FGF13: variants seen among roughly 807,000 people sequenced by gnomAD.
The protein encoded by FGF13 is fibroblast growth factor 13.
A neutral mutation model predicts 19.5 loss-of-function variants in FGF13; 2 were observed. The ratio of observed to expected loss-of-function variants is 0.10; its 90% CI spans 0.04 to 0.32. FGF13 has a LOEUF of 0.32. FGF13 is among the 10% of genes least tolerant of loss of function. The probability of loss-of-function intolerance (pLI) is 1.00; values close to 1 mark genes in which losing one functional copy is unlikely to be tolerated. For missense variants in FGF13, 113 were observed against 192.7 expected (o/e 0.59, Z 2.45); for synonymous variants, 72 against 76.9 (o/e 0.94, Z 0.33).
rs148838944 is a variant in FGF13, at chrX:139,007,579, G to A, written c.-112-142929C>T. On this transcript the variant is annotated intron_variant, in intron 1 of 2. Transcript: ENST00000421460. ...TCCTCATCACTTAGATCTTTCTCAA[G>A]GATAAACCATATGTTAGGTCACAAA... 5.7e-3 allele frequency among the ~76,000 whole-genome samples: 637 copies of A among 112,200 alleles called. 5 individuals carry two copies. Among genetic ancestry groups the A allele is most frequent in the African/African-American group, 0.02 (603 of 30,889 alleles).
chrX:138,689,246 T>A (rs966212343), intron 3 of FGF13, among the ~76,000 whole-genome samples: 6 of 112,422 alleles, frequency 5.3e-5, no homozygotes, highest in African/African-American at 1.9e-4. Flanking sequence ...GTTTTACATT[T>A]CTGGAATTCT....
At chrX:138,841,864 G>T (rs903013511) in intron 3 of FGF13, among the ~76,000 whole-genome samples, 1 of 111,177 alleles carries the variant, frequency 9.0e-6, no homozygotes, top group Admixed American at 9.6e-5. Flanking sequence ...AAGGAACCAG[G>T]ATGAGGTAAG....
chrX:138,955,004 G>A (rs773514846), intron 1 of FGF13, among the ~76,000 whole-genome samples: 4 of 112,473 alleles, frequency 3.6e-5, no homozygotes, highest in Admixed American at 9.4e-5. Context: ...TGCATCAGTG[G>A]TTCCCACACT....
chrX:138,633,691 A>G (rs1368280145), intron 4 of FGF13, among the ~76,000 whole-genome samples: 1 of 111,682 alleles, frequency 9.0e-6, no homozygotes, highest in East Asian at 2.8e-4. Flanking sequence ...AACATTAGAT[A>G]CTACTCTAAG....
In FGF13 at chrX:138,625,498, C is replaced by G. The variant is rs866857196; in HGVS notation, c.*7352G>C. 1 of 85,898 alleles carries G rather than the reference C, an allele frequency of 1.2e-5. No homozygotes were observed. Among genetic ancestry groups the G allele is most frequent in the South Asian group, 4.7e-4 (1 of 2,130 alleles). 7.1% of individuals were successfully genotyped at this position (85,898 alleles called of 1,213,427 possible). A position where few individuals can be genotyped will look rare whatever the true frequency, so the allele number is the denominator to read the frequency against. ...TATATATATATAATATATATATATACATATATATATATAATATAATATATA... is the reference window on the plus strand; with the variant it reads ...TATATATATATAATATATATATATAGATATATATATATAATATAATATATA... On this transcript the variant is annotated 3_prime_UTR_variant, in exon 5 of 5. Transcript: ENST00000315930.
chrX:139,129,423 C>A (rs896976458), intron 1 of FGF13, among the ~76,000 whole-genome samples: 9 of 110,531 alleles, frequency 8.1e-5, no homozygotes, highest in African/African-American at 3.0e-4. Context: ...CTAAATCCCA[C>A]CCTTGTTAGC....
intron 3 of FGF13, among the ~76,000 whole-genome samples, chrX:138,661,222 C>CT (rs761811853): frequency 9.0e-6 from 1 of 111,691 alleles, no homozygotes; most frequent in African/African-American, 3.2e-5. Flanking sequence ...TTGTTGTACT[C>CT]TAAACAAATA....
chrX:139,155,439 C>A lies in FGF13; in HGVS notation c.-113+47977G>T, dbSNP rs745387632. Among the ~76,000 whole-genome samples the A allele has an allele frequency of 2.1e-4, 24 of 112,003 alleles. No homozygotes were observed. In the South Asian group the frequency reaches 9.1e-3, roughly 43 times the overall value. ...GCCCTTCCAGGTCAGTGCTGGCCAA[C>A]AAGTATCTACTAGAAAGAAAGTCTC... is the stretch of plus-strand genomic sequence containing the variant. On this transcript the variant is annotated intron_variant, in intron 1 of 2. Coordinates refer to the FGF13 transcript ENST00000421460.
intron 1 of FGF13, among the ~76,000 whole-genome samples, chrX:138,942,041 C>T (rs2091760737): frequency 1.8e-5 from 2 of 112,253 alleles, no homozygotes; most frequent in South Asian, 7.4e-4. Context: ...CCAGCCTTTC[C>T]TTGTCCTACA....
At chrX:138,886,428 G>T (rs927225000) in intron 1 of FGF13, among the ~76,000 whole-genome samples, 2 of 112,333 alleles carry the variant, frequency 1.8e-5, no homozygotes, top group Non-Finnish European at 3.8e-5. Flanking sequence ...GAATGAAAAA[G>T]AAATCCTAGT....
In FGF13 at chrX:139,028,232, G is replaced by A. The variant is rs188263681; in HGVS notation, c.-112-163582C>T. Among the ~76,000 whole-genome samples, 11 of 111,781 alleles carry A rather than the reference G, an allele frequency of 9.8e-5. No homozygotes were observed. The East Asian group carries it at 3.1e-3, about 32-fold the overall frequency. Reference sequence around the variant, plus strand: ...TTTATAAACATATTTTTTAGTATTTGTATATAAAACTCCATCCACATGGAA... The same window carrying A: ...TTTATAAACATATTTTTTAGTATTTATATATAAAACTCCATCCACATGGAA... On this transcript the variant is annotated intron_variant, in intron 1 of 2. Transcript: ENST00000421460.
intron 1 of FGF13, among the ~76,000 whole-genome samples, chrX:139,039,029 G>C (rs1383651741): frequency 8.9e-6 from 1 of 112,420 alleles, no homozygotes; most frequent in Non-Finnish European, 1.9e-5. Context: ...TGAGCAACTT[G>C]CTGAAGGTTA....
chrX:138,779,661 A>G (rs1443162794), intron 3 of FGF13, among the ~76,000 whole-genome samples: 1 of 111,348 alleles, frequency 9.0e-6, no homozygotes, highest in Non-Finnish European at 1.9e-5. Context: ...ATATGGGACT[A>G]TGAGAAAAGA....
intron 3 of FGF13, chrX:138,807,087 C>A (rs966469842): frequency 2.7e-5 from 3 of 111,109 alleles, no homozygotes; most frequent in Non-Finnish European, 5.7e-5. Context: ...AATGTGGAGA[C>A]TCACCAGACC....
chrX:138,839,770 A>C (rs1219090959), intron 3 of FGF13, among the ~76,000 whole-genome samples: 1 of 111,878 alleles, frequency 8.9e-6, no homozygotes, highest in Non-Finnish European at 1.9e-5. Context: ...CTTAAACAAC[A>C]GTTCAAGTCA....
At chrX:139,160,806 A>G (rs1942341162) in intron 1 of FGF13, among the ~76,000 whole-genome samples, 1 of 112,012 alleles carries the variant, frequency 8.9e-6, no homozygotes, top group Admixed American at 9.5e-5. Context: ...GAAGAAGTCA[A>G]TTCCCTGAAT....
intron 1 of FGF13, among the ~76,000 whole-genome samples, chrX:138,955,214 C>T (rs1344760066): frequency 3.5e-5 from 4 of 113,051 alleles, no homozygotes; most frequent in Non-Finnish European, 7.5e-5. Context: ...TCTTCATTGC[C>T]TAGTGGGGAA....
intron 2 of FGF13, among the ~76,000 whole-genome samples, chrX:138,706,035 T>C (rs1308638337): frequency 8.9e-6 from 1 of 112,555 alleles, no homozygotes; most frequent in Non-Finnish European, 1.9e-5. Context: ...CAGAGCCATG[T>C]ACCTAGTTGG....
intron 2 of FGF13, among the ~76,000 whole-genome samples, chrX:138,862,653 A>G (rs758063659): frequency 2.7e-5 from 3 of 111,924 alleles, no homozygotes; most frequent in Non-Finnish European, 5.6e-5. Flanking sequence ...CCAGCTAACC[A>G]TCTACTTATC....
Sources: gnomAD v4.1 joint callset for allele counts (sites outside exome capture counted in the v4.1 genomes callset) on GRCh38, gnomAD v4.1.1 for gene constraint, MANE v1.5 for transcripts, NCBI Gene and HGNC (gene_info 2026-07-23, HGNC 2026-07-21) for gene names.